The following METTL16 variants were observed in gnomAD, a reference collection of about 807,000 sequenced individuals.
METTL16 encodes the protein methyltransferase 16, RNA N6-adenosine, also known as RNA N(6)-adenosine-methyltransferase METTL16.
In METTL16, 19 loss-of-function variants were observed where a neutral mutation model predicts 57.9. That is an observed-to-expected ratio of 0.33 (90% confidence interval 0.23 to 0.48). The LOEUF is 0.48. Among genes scored for constraint, METTL16 ranks in the 20% least tolerant of loss-of-function variants. The probability of loss-of-function intolerance (pLI) is 0.99; values close to 1 mark genes in which losing one functional copy is unlikely to be tolerated. For missense variants in METTL16, 434 were observed against 691.5 expected (o/e 0.63, Z 4.18); for synonymous variants, 246 against 255.6 (o/e 0.96, Z 0.36).
chr17:2,499,331 C>CT (rs1004416909), intron 2 of METTL16, among the ~76,000 whole-genome samples: 8,806 of 127,590 alleles, frequency 0.069, 329 homozygotes, highest in African/African-American at 0.086. Flanking sequence ...AAAACTATAT[C>CT]TTTTTTTTTT....
At chr17:2,471,030 G>T (rs567279336) in intron 4 of METTL16, among the ~76,000 whole-genome samples, 5 of 152,278 alleles carry the variant, frequency 3.3e-5, no homozygotes, top group Admixed American at 6.5e-5. Context: ...CAACAGAAGA[G>T]AATAGATATA....
chr17:2,491,152 A>G (rs1042444188), intron 2 of METTL16, among the ~76,000 whole-genome samples: 1 of 152,206 alleles, frequency 6.6e-6, no homozygotes, highest in African/African-American at 2.4e-5. Flanking sequence ...GACAGGCAAG[A>G]TCTTTTCTCA....
chr17:2,418,095 A>C lies in METTL16; in HGVS notation c.*1875T>G, dbSNP rs2066733620. 1 of 152,080 alleles carries C rather than the reference A, an allele frequency of 6.6e-6. No individual in the cohort carries two copies. Among genetic ancestry groups the C allele is most frequent in the South Asian group, 2.1e-4 (1 of 4,828 alleles). 9.4% of individuals were successfully genotyped at this position (152,080 alleles called of 1,614,324 possible). A position where few individuals can be genotyped will look rare whatever the true frequency, so the allele number is the denominator to read the frequency against. Reference sequence around the variant, plus strand: ...GGTATTGTTTTTTGCAGCCTGACACATGAATGCTTGGACTAGAATAATGAT... The same window carrying C: ...GGTATTGTTTTTTGCAGCCTGACACCTGAATGCTTGGACTAGAATAATGAT... On this transcript the variant is annotated 3_prime_UTR_variant, in exon 10 of 10. Transcript: ENST00000263092.
At chr17:2,492,408 A>G (rs1214510898) in intron 2 of METTL16, among the ~76,000 whole-genome samples, 1 of 152,140 alleles carries the variant, frequency 6.6e-6, no homozygotes, top group Non-Finnish European at 1.5e-5. Flanking sequence ...AAAATAAGAT[A>G]TCAGAGTAGC....
Position 2,509,450 on chromosome 17 carries a change from T to A in METTL16, c.-1+2309A>T, listed in dbSNP as rs570730018. Among the ~76,000 whole-genome samples, 32 of 152,040 alleles carry A rather than the reference T, an allele frequency of 2.1e-4. No individual in the cohort carries two copies. In the South Asian group the frequency reaches 3.7e-3, roughly 18 times the overall value. ...TCAAGAAAACATCAACTGGGCAAGG[T>A]GGTGCATGCCTGTGTTCCTAGCTAC... On this transcript the variant is annotated intron_variant, in intron 1 of 9. Transcript: ENST00000263092.
chr17:2,495,713 A>G (rs896715386), intron 2 of METTL16, among the ~76,000 whole-genome samples: 2 of 149,160 alleles, frequency 1.3e-5, no homozygotes, highest in South Asian at 2.1e-4. Flanking sequence ...AAAAAAAAAG[A>G]AAAAGATTAT....
At chr17:2,495,385 A>G (rs2067435839) in intron 2 of METTL16, among the ~76,000 whole-genome samples, 1 of 152,130 alleles carries the variant, frequency 6.6e-6, no homozygotes, top group South Asian at 2.1e-4. Flanking sequence ...GTCATTATCA[A>G]CATTAATCGA....
chr17:2,457,903 G>A (rs2067122966), intron 6 of METTL16, among the ~76,000 whole-genome samples: 2 of 151,764 alleles, frequency 1.3e-5, no homozygotes, highest in South Asian at 2.1e-4. Flanking sequence ...TTTTTGAGAC[G>A]GGCTCTTGCT....
At chr17:2,492,159 C>T (rs577509538) in intron 2 of METTL16, among the ~76,000 whole-genome samples, 42 of 151,834 alleles carry the variant, frequency 2.8e-4, no homozygotes, top group South Asian at 1.0e-3. Flanking sequence ...TGCAGTGAGC[C>T]GAGATTGCGC....
intron 6 of METTL16, among the ~76,000 whole-genome samples, chr17:2,446,641 G>C (rs889137660): frequency 7.0e-6 from 1 of 141,888 alleles, no homozygotes; most frequent in Non-Finnish European, 1.5e-5. Flanking sequence ...CTCCTTCCAC[G>C]GTCTCCCTCT....
chr17:2,508,365 G>A (rs1181187866), intron 1 of METTL16, among the ~76,000 whole-genome samples: 1 of 151,954 alleles, frequency 6.6e-6, no homozygotes, highest in Non-Finnish European at 1.5e-5. Flanking sequence ...TCACTTGAAG[G>A]GCTCAAAAAT....
In METTL16 at chr17:2,502,428, T is replaced by C. The variant is rs189855518; in HGVS notation, c.1-97A>G. The C allele has an allele frequency of 3.9e-5, 46 of 1,191,040 alleles. No homozygotes were observed. In the Admixed American group the frequency reaches 8.8e-4, roughly 23 times the overall value. 73.8% of individuals were successfully genotyped at this position (1,191,040 alleles called of 1,614,324 possible). On this transcript the variant is annotated intron_variant, in intron 1 of 9. Coordinates refer to ENST00000263092, the MANE Select transcript of METTL16 (RefSeq NM_024086.4). ...CCTCATGCCTCTAATCCCAGTACTT[T>C]GGGAGGCCAAGGTAAGTAGATCACC...
intron 4 of METTL16, 43 bp from the exon 5 acceptor site, chr17:2,467,919 G>C: frequency 7.2e-7 from 1 of 1,397,150 alleles, no homozygotes; most frequent in South Asian, 1.2e-5. Flanking sequence ...TAATGTTGCA[G>C]TGGTTCTAAA....
chr17:2,449,280 T>C (rs1282914207), intron 6 of METTL16, among the ~76,000 whole-genome samples: 1 of 152,188 alleles, frequency 6.6e-6, no homozygotes, highest in Non-Finnish European at 1.5e-5. Flanking sequence ...ACTTGACCTA[T>C]AAATTCAACA....
chr17:2,451,129 T>A (rs2067066025), intron 6 of METTL16, among the ~76,000 whole-genome samples: 1 of 152,162 alleles, frequency 6.6e-6, no homozygotes, highest in South Asian at 2.1e-4. Flanking sequence ...CATCAACAAA[T>A]ATTTTGTCTT....
intron 8 of METTL16, among the ~76,000 whole-genome samples, chr17:2,422,607 T>G (rs2066774997): frequency 6.8e-6 from 1 of 147,594 alleles, no homozygotes; most frequent in Non-Finnish European, 1.5e-5. Context: ...CTTGACCTCG[T>G]GATCCACCCA....
At chr17:2,487,755 G>A (rs1258771610) in intron 2 of METTL16, among the ~76,000 whole-genome samples, 1 of 152,140 alleles carries the variant, frequency 6.6e-6, no homozygotes, top group Non-Finnish European at 1.5e-5. Context: ...TGTAATCCCA[G>A]CACTGTGGGA....
chr17:2,456,746 G>C (rs955269897), intron 6 of METTL16, among the ~76,000 whole-genome samples: 1 of 152,074 alleles, frequency 6.6e-6, no homozygotes, highest in East Asian at 1.9e-4. Flanking sequence ...TGAGATTACA[G>C]GCATGAGTTA....
At chr17:2,449,038 A>C (rs1259702662) in intron 6 of METTL16, among the ~76,000 whole-genome samples, 1 of 150,858 alleles carries the variant, frequency 6.6e-6, no homozygotes, top group Non-Finnish European at 1.5e-5. Flanking sequence ...AAAAAAAAAA[A>C]AGTAAAATAC....
Sources: allele counts gnomAD v4.1 joint callset (sites outside exome capture counted in the v4.1 genomes callset), GRCh38; gene constraint gnomAD v4.1.1; transcripts MANE v1.5; gene names NCBI Gene and HGNC (gene_info 2026-07-23, HGNC 2026-07-21).